NWD2: variants seen among roughly 807,000 people sequenced by gnomAD.
The protein encoded by NWD2 is NACHT and WD repeat domain containing 2.
A neutral mutation model predicts 132.7 loss-of-function variants in NWD2; 37 were observed. That is an observed-to-expected ratio of 0.28 (90% CI 0.21 to 0.37). The LOEUF (loss-of-function observed/expected upper bound fraction) is 0.37. Ranked by LOEUF, NWD2 falls within the 10% of genes least tolerant of loss-of-function variation. The pLI, the probability that NWD2 is intolerant of heterozygous loss-of-function variation, is 1.00. For synonymous variants in NWD2, 705 were observed against 803.0 expected (o/e 0.88, Z 2.06); for missense variants, 1,592 against 2,122.4 (o/e 0.75, Z 4.91).
intron 1 of NWD2, among the ~76,000 whole-genome samples, chr4:37,311,576 T>C (rs1718842723): frequency 6.7e-6 from 1 of 149,184 alleles, no homozygotes; most frequent in African/African-American, 2.6e-5. Flanking sequence ...TTCTCCCATT[T>C]TGTAGGTTGC....
chr4:37,270,183 T>C (rs962427213), intron 1 of NWD2, among the ~76,000 whole-genome samples: 1 of 151,776 alleles, frequency 6.6e-6, no homozygotes, highest in Admixed American at 6.6e-5. Context: ...TATAAAATAA[T>C]AGAAGTTATT....
chr4:37,284,661 G>A (rs1371903508), intron 1 of NWD2, among the ~76,000 whole-genome samples: 1 of 152,208 alleles, frequency 6.6e-6, no homozygotes, highest in Non-Finnish European at 1.5e-5. Flanking sequence ...GAAGTAAAAG[G>A]AAGACATTGT....
intron 1 of NWD2, among the ~76,000 whole-genome samples, chr4:37,323,123 A>G (rs1719101785): frequency 6.7e-6 from 1 of 150,266 alleles, no homozygotes; most frequent in Admixed American, 6.6e-5. Flanking sequence ...AATGTTACCT[A>G]TTTCATAGGG....
intron 1 of NWD2, among the ~76,000 whole-genome samples, chr4:37,292,478 C>T (rs1454646477): frequency 6.6e-6 from 1 of 152,086 alleles, no homozygotes; most frequent in Non-Finnish European, 1.5e-5. Flanking sequence ...TTGGACTTCC[C>T]CGTTTCCAGA....
intron 5 of NWD2, among the ~76,000 whole-genome samples, chr4:37,438,269 A>G (rs969408087): frequency 2.0e-5 from 3 of 152,050 alleles, no homozygotes; most frequent in African/African-American, 7.2e-5. Flanking sequence ...TAAACAAAAA[A>G]AAAAAAAGAA....
intron 1 of NWD2, among the ~76,000 whole-genome samples, chr4:37,265,854 A>C (rs1717739436): frequency 6.6e-6 from 1 of 152,052 alleles, no homozygotes; most frequent in Admixed American, 6.6e-5. Flanking sequence ...TTGCCATATA[A>C]GGTAACATTC....
chr4:37,398,214 T>C (rs1720836891), intron 3 of NWD2, among the ~76,000 whole-genome samples: 1 of 152,188 alleles, frequency 6.6e-6, no homozygotes, highest in African/African-American at 2.4e-5. Flanking sequence ...TTAAATAACT[T>C]ATCCAGGGTC....
chr4:37,349,459 T>C (rs187986851), intron 2 of NWD2, among the ~76,000 whole-genome samples: 2 of 152,350 alleles, frequency 1.3e-5, no homozygotes, highest in Non-Finnish European at 2.9e-5. Flanking sequence ...TTTTCATGTT[T>C]GTGGGCTGCA....
chr4:37,256,450 G>A (rs529567214), intron 1 of NWD2, among the ~76,000 whole-genome samples: 2 of 152,270 alleles, frequency 1.3e-5, no homozygotes, highest in Non-Finnish European at 2.9e-5. Context: ...ACTTACATGA[G>A]GTGGAACCTG....
intron 2 of NWD2, among the ~76,000 whole-genome samples, chr4:37,344,638 G>A (rs1247637633): frequency 6.6e-6 from 1 of 152,034 alleles, no homozygotes; most frequent in Non-Finnish European, 1.5e-5. Flanking sequence ...TGATCATTTG[G>A]TTCACATGTA....
At chr4:37,287,371 C>A (rs1457407804) in intron 1 of NWD2, among the ~76,000 whole-genome samples, 1 of 152,188 alleles carries the variant, frequency 6.6e-6, no homozygotes, top group Non-Finnish European at 1.5e-5. Context: ...CACTGGGACT[C>A]ATAACTGCCT....
At chr4:37,428,740 AT>A (rs1345974698) in intron 3 of NWD2, among the ~76,000 whole-genome samples, 1 of 151,822 alleles carries the variant, frequency 6.6e-6, no homozygotes, top group Admixed American at 6.6e-5. Flanking sequence ...AGTACCACTA[AT>A]TTTTTTTTAA....
intron 1 of NWD2, among the ~76,000 whole-genome samples, chr4:37,288,238 A>G (rs1718277725): frequency 6.6e-6 from 1 of 152,208 alleles, no homozygotes; most frequent in African/African-American, 2.4e-5. Context: ...CTATGTAACA[A>G]CCCTCCACGT....
intron 3 of NWD2, among the ~76,000 whole-genome samples, chr4:37,366,591 G>A (rs1280779235): frequency 6.6e-6 from 1 of 152,056 alleles, no homozygotes; most frequent in East Asian, 1.9e-4. Flanking sequence ...ACTGTATGCG[G>A]TTTTCAAGAG....
chr4:37,283,448 G>A (rs916131069), intron 1 of NWD2, among the ~76,000 whole-genome samples: 2 of 152,086 alleles, frequency 1.3e-5, no homozygotes, highest in African/African-American at 4.8e-5. Flanking sequence ...TTTTAGTTCT[G>A]TCTTATGATA....
At chr4:37,347,729 C>T (rs1422315477) in intron 2 of NWD2, among the ~76,000 whole-genome samples, 2 of 152,134 alleles carry the variant, frequency 1.3e-5, no homozygotes, top group Admixed American at 1.3e-4. Context: ...AATTGTATGA[C>T]ATTTAAAGAA....
At chr4:37,322,237 A>G (rs1719083274) in intron 1 of NWD2, among the ~76,000 whole-genome samples, 1 of 152,186 alleles carries the variant, frequency 6.6e-6, no homozygotes, top group South Asian at 2.1e-4. Flanking sequence ...CTTAAATTTT[A>G]GTGAGGGAGG....
At chr4:37,426,907 T>G (rs1239002295) in intron 3 of NWD2, among the ~76,000 whole-genome samples, 1 of 152,150 alleles carries the variant, frequency 6.6e-6, no homozygotes, top group South Asian at 2.1e-4. Context: ...AGAAAGAAGT[T>G]GAAGAACGAA....
At chr4:37,406,313 A>G (rs1319100790) in intron 3 of NWD2, among the ~76,000 whole-genome samples, 17 of 152,190 alleles carry the variant, frequency 1.1e-4, no homozygotes. Flanking sequence ...ACAGCGAGTC[A>G]CAGAGATCTT....
Sources: gnomAD v4.1 joint callset for allele counts (sites outside exome capture counted in the v4.1 genomes callset) on GRCh38, gnomAD v4.1.1 for gene constraint, MANE v1.5 for transcripts, NCBI Gene and HGNC (gene_info 2026-07-23, HGNC 2026-07-21) for gene names.